Variants in CDYL observed in about 807,000 individuals in gnomAD.
CDYL encodes the protein chromodomain Y like.
A neutral mutation model predicts 47.3 loss-of-function variants in CDYL; 8 were observed. That is an observed-to-expected ratio of 0.17 (90% CI 0.10 to 0.31). The LOEUF (loss-of-function observed/expected upper bound fraction) is 0.31. CDYL is among the 10% of genes least tolerant of loss of function. The pLI is 1.00. For missense variants in CDYL, 471 were observed against 701.4 expected (o/e 0.67, Z 3.71); for synonymous variants, 266 against 265.0 (o/e 1.00, Z -0.04).
At chr6:4,754,220 A>G (rs1561837244) in intron 3 of CDYL, among the ~76,000 whole-genome samples, 1 of 152,228 alleles carries the variant, frequency 6.6e-6, no homozygotes, top group African/African-American at 2.4e-5. Flanking sequence ...GAAGCCTTGA[A>G]TCAGTCTTTA....
chr6:4,821,035 T>C (rs930889699), intron 1 of CDYL, among the ~76,000 whole-genome samples: 2 of 152,208 alleles, frequency 1.3e-5, no homozygotes, highest in African/African-American at 4.8e-5. Flanking sequence ...AACCTGGCTT[T>C]TGATTGTATT....
chr6:4,904,462 G>A (rs1291926732), intron 2 of CDYL, among the ~76,000 whole-genome samples: 10 of 152,180 alleles, frequency 6.6e-5, no homozygotes, highest in African/African-American at 1.7e-4. Context: ...TTTTCTGGAC[G>A]ATGTATTTGC....
At chr6:4,727,836 CATGGTGACAAACGGT>C (rs900720611) in intron 2 of CDYL, among the ~76,000 whole-genome samples, 1 of 152,038 alleles carries the variant, frequency 6.6e-6, no homozygotes, top group Non-Finnish European at 1.5e-5. Context: ...CTGGTGGTGA[CATGGTGACAAACGGT>C]ATGTTGACTT....
At chr6:4,744,850 T>C (rs1212687095) in intron 3 of CDYL, among the ~76,000 whole-genome samples, 1 of 152,192 alleles carries the variant, frequency 6.6e-6, no homozygotes, top group Admixed American at 6.5e-5. Flanking sequence ...TTGAGCTTTT[T>C]TTTTTCTTCA....
At chr6:4,785,217 A>G (rs1024127588) in intron 1 of CDYL, among the ~76,000 whole-genome samples, 3 of 152,210 alleles carry the variant, frequency 2.0e-5, no homozygotes, top group African/African-American at 7.2e-5. Context: ...TGTTTGTGTA[A>G]GTTCACTCTG....
chr6:4,721,207 G>C (rs1312072002), intron 2 of CDYL, among the ~76,000 whole-genome samples: 1 of 152,110 alleles, frequency 6.6e-6, no homozygotes, highest in Non-Finnish European at 1.5e-5. Flanking sequence ...TTTTCAACTA[G>C]AAACCACATT....
intron 2 of CDYL, among the ~76,000 whole-genome samples, chr6:4,907,188 G>A (rs1757264868): frequency 6.6e-6 from 1 of 152,200 alleles, no homozygotes; most frequent in Non-Finnish European, 1.5e-5. Flanking sequence ...CTGGATCACT[G>A]TAGGGCCAGT....
At chr6:4,900,557 T>C (rs192599133) in intron 2 of CDYL, among the ~76,000 whole-genome samples, 244 of 151,952 alleles carry the variant, frequency 1.6e-3, no homozygotes, top group African/African-American at 5.7e-3. Flanking sequence ...AGGCCTGTAA[T>C]TGATTTAAAA....
chr6:4,878,849 AATT>A (rs1761686678), intron 1 of CDYL, among the ~76,000 whole-genome samples: 1 of 151,836 alleles, frequency 6.6e-6, no homozygotes, highest in African/African-American at 2.4e-5. Context: ...AAATTTAGAT[AATT>A]ATTTTTTTCT....
At chr6:4,823,380 T>A (rs1302510209) in intron 1 of CDYL, among the ~76,000 whole-genome samples, 2 of 152,130 alleles carry the variant, frequency 1.3e-5, no homozygotes, top group African/African-American at 2.4e-5. Context: ...CTGGTAAGAG[T>A]GCATGGATAC....
At chr6:4,890,085 G>A (rs946059874) in intron 1 of CDYL, 5 of 985,308 alleles carry the variant, frequency 5.1e-6, no homozygotes, top group Non-Finnish European at 4.8e-6. Flanking sequence ...GAATACTCTG[G>A]TTTAGTATAC....
At chr6:4,766,376 A>AT (rs1264065328) in intron 3 of CDYL, among the ~76,000 whole-genome samples, 1 of 151,654 alleles carries the variant, frequency 6.6e-6, no homozygotes, top group African/African-American at 2.4e-5. Flanking sequence ...TGCCTGGCTA[A>AT]TTTTTTGTAT....
chr6:4,787,730 G>T (rs1758793330), intron 1 of CDYL, among the ~76,000 whole-genome samples: 1 of 151,096 alleles, frequency 6.6e-6, no homozygotes, highest in South Asian at 2.1e-4. Flanking sequence ...AGACATGCAG[G>T]TGGAGGTGCG....
At chr6:4,907,777 A>AT (rs1012582288) in intron 2 of CDYL, among the ~76,000 whole-genome samples, 27 of 152,184 alleles carry the variant, frequency 1.8e-4, no homozygotes, top group African/African-American at 6.5e-4. Context: ...AACTTAGCAC[A>AT]TTGTGGCTTT....
chr6:4,835,074 C>G (rs1760258238), intron 1 of CDYL, among the ~76,000 whole-genome samples: 1 of 152,206 alleles, frequency 6.6e-6, no homozygotes, highest in African/African-American at 2.4e-5. Flanking sequence ...CTCAACTCGT[C>G]AAAGTCATTC....
At chr6:4,871,781 G>A (rs1241727605) in intron 1 of CDYL, among the ~76,000 whole-genome samples, 1 of 152,186 alleles carries the variant, frequency 6.6e-6, no homozygotes, top group Non-Finnish European at 1.5e-5. Flanking sequence ...CACAAAAACT[G>A]CTAAGTACCC....
At chr6:4,707,770 T>C (rs913925994) in intron 1 of CDYL, among the ~76,000 whole-genome samples, 4 of 152,216 alleles carry the variant, frequency 2.6e-5, no homozygotes, top group African/African-American at 9.6e-5. Flanking sequence ...CTAGTGGGTG[T>C]GAGATAATAT....
chr6:4,952,206 G>A, intron 5 of CDYL, 60 bp from the exon 6 acceptor site: 4 of 1,566,448 alleles, frequency 2.6e-6, no homozygotes, highest in Non-Finnish European at 3.5e-6. Flanking sequence ...TTTAAGGGAT[G>A]GGTCTTCCCC....
At chr6:4,885,507 CA>C (rs1333499935) in intron 1 of CDYL, among the ~76,000 whole-genome samples, 1 of 152,162 alleles carries the variant, frequency 6.6e-6, no homozygotes, top group Non-Finnish European at 1.5e-5. Flanking sequence ...CAGGCATTGG[CA>C]GGGGGTCCTG....
Sources: gnomAD v4.1 joint callset for allele counts (sites outside exome capture counted in the v4.1 genomes callset) on GRCh38, gnomAD v4.1.1 for gene constraint, MANE v1.5 for transcripts, NCBI Gene and HGNC (gene_info 2026-07-23, HGNC 2026-07-21) for gene names.